The following KIF18B variants were observed in gnomAD, a reference collection of about 807,000 sequenced individuals.
The protein encoded by KIF18B is kinesin family member 18B, also known as kinesin-like protein KIF18B.
KIF18B carries 49 observed loss-of-function variants against 80.9 expected under a neutral mutation model. The observed-to-expected ratio is 0.61, with a 90% CI of 0.48 to 0.77. The LOEUF (loss-of-function observed/expected upper bound fraction) is 0.77, where lower values mean the gene tolerates loss of function less well. KIF18B is among the 30% of genes least tolerant of loss of function. The pLI is 0.00. For missense variants in KIF18B, 994 were observed against 1,127.7 expected (o/e 0.88, Z 1.70); for synonymous variants, 439 against 463.9 (o/e 0.95, Z 0.69).
intron 1 of KIF18B, among the ~76,000 whole-genome samples, chr17:44,941,340 C>CT (rs36121835): frequency 0.092 from 12,447 of 134,646 alleles, 782 homozygotes; most frequent in Middle Eastern, 0.17. Flanking sequence ...TTTTCTTTTT[C>CT]TTTTTTTTTT....
At position 44,936,014 on chromosome 17, in the gene KIF18B, C is replaced by A. The variant is rs752412458; in HGVS notation, c.313+18G>T. ...GCAGGGAGGCCAGGCCACTGCCAGG[C>A]AGGGCTGAGGTTCTCACCTGAGCAG... On this transcript the variant is annotated intron_variant, in intron 2 of 15. Coordinates refer to ENST00000593135, the MANE Select transcript of KIF18B (RefSeq NM_001265577.2). 6.2e-7 allele frequency: 1 copy of A among 1,609,392 alleles called. No individual in the cohort carries two copies. The highest frequency in any genetic ancestry group is 8.5e-7 in the Non-Finnish European group (1 of 1,176,564).
At chr17:44,938,097 C>T (rs1050533144) in intron 1 of KIF18B, among the ~76,000 whole-genome samples, 8 of 152,036 alleles carry the variant, frequency 5.3e-5, no homozygotes, top group Admixed American at 4.6e-4. Context: ...CTCACTACAA[C>T]CTCTGCCTCC....
chr17:44,938,706 A>G (rs1356768805), intron 1 of KIF18B, among the ~76,000 whole-genome samples: 1 of 152,234 alleles, frequency 6.6e-6, no homozygotes, highest in Non-Finnish European at 1.5e-5. Flanking sequence ...TTCTTCCTCC[A>G]CCAATTTGAA....
intron 1 of KIF18B, among the ~76,000 whole-genome samples, chr17:44,942,011 G>C (rs1409068465): frequency 6.6e-6 from 1 of 152,174 alleles, no homozygotes; most frequent in Non-Finnish European, 1.5e-5. Flanking sequence ...CCGCTAGGAT[G>C]CCTGGGTCCT....
chr17:44,928,237 C>T lies in KIF18B; in HGVS notation c.2065G>A (p.Val689Ile), dbSNP rs200544188. ...CTTTTGATGACTGTGGCTGGGCAAA[C>T]GCGAGGGGAATGGCAGGGGGAGGAG... ...RASSPCHSPR[V>I]CPATVIKSRV... Residue 689 changes from valine to isoleucine, a missense_variant, in exon 13 of 16, where the codon GTT (valine) becomes ATT (isoleucine). Physicochemically the swap from Val to Ile is conservative, Grantham distance 29 (BLOSUM62 3). Transcript: ENST00000593135. 238 of 1,613,292 alleles carry T rather than the reference C, an allele frequency of 1.5e-4. 2 individuals are homozygous for T. The African/African-American group carries it at 1.8e-3, about 12-fold the overall frequency.
rs1349387096 is a variant in KIF18B, at chr17:44,927,226, CCT to C, written c.2277-150_2277-149del. ...GGTTTCTTCTACAAAGAGGTGGATTCCTCTCTCTGCCTGGCTGACAGCTGAGT... is the reference window on the plus strand; with the variant it reads ...GGTTTCTTCTACAAAGAGGTGGATTCCTCTCTGCCTGGCTGACAGCTGAGT... On this transcript the variant is annotated intron_variant, in intron 13 of 15. Transcript: ENST00000593135. The surrounding 1 kb of genome is among the most constrained non-coding windows in gnomAD (Gnocchi z 4.1). 6.6e-6 allele frequency: 4 copies of C among 605,492 alleles called. No homozygotes were observed. Among genetic ancestry groups the C allele is most frequent in the Non-Finnish European group, 1.2e-5 (4 of 345,576 alleles). The allele number at this position is 605,492 out of a possible 1,614,324, so 37.5% of individuals were successfully genotyped here. A position where few individuals can be genotyped will look rare whatever the true frequency, so the allele number is the denominator to read the frequency against.
In KIF18B at chr17:44,934,124, G is replaced by A. The variant is rs1375206022; in HGVS notation, c.886-25C>T. ...CCTGGGGGGCAGTAAGCAGGTGTGG[G>A]GTGAGGCGACTGATGGCACTGACCC... On this transcript the variant is annotated intron_variant, in intron 6 of 15. Transcript: ENST00000593135. The surrounding 1 kb of genome is among the most constrained non-coding windows in gnomAD (Gnocchi z 5.4). The A allele has an allele frequency of 6.2e-7, 1 of 1,609,504 alleles. No homozygotes were observed. The highest frequency in any genetic ancestry group is 8.5e-7 in the Non-Finnish European group (1 of 1,177,966).
At chr17:44,926,795 G>A (rs575488235) in intron 14 of KIF18B, among the ~76,000 whole-genome samples, 194 bp downstream of exon 14, 1 of 152,284 alleles carries the variant, frequency 6.6e-6, no homozygotes, top group East Asian at 1.9e-4. Flanking sequence ...CAGCTCTGGG[G>A]TGATCCTGGG....
Position 44,926,417 on chromosome 17 carries a change from G to T in KIF18B, c.2449C>A (p.Pro817Thr). 6.4e-7 allele frequency: 1 copy of T among 1,572,154 alleles called. No homozygotes were observed. The highest frequency in any genetic ancestry group is 1.2e-5 in the South Asian group (1 of 85,438). ...LKRPAGPLVLPELPLSPLCPS... is the reference protein window; with the variant it reads ...LKRPAGPLVLTELPLSPLCPS... ...CCCTGTCCCTAGTGCCAGTCACCTG[G>T]GAGTACAAGGGGCCCAGCTGGCCTC... The change falls in exon 15 of 16, where the codon CCA becomes ACA. Residue 817 changes from proline (P) to threonine (T), a missense_variant. By Grantham distance (38) the Pro-to-Thr change is conservative (BLOSUM62 -1). Transcript: ENST00000593135.
intron 12 of KIF18B, 120 bp downstream of exon 12, chr17:44,928,699 G>A (rs1402042306): frequency 8.7e-6 from 12 of 1,380,040 alleles, no homozygotes; most frequent in Non-Finnish European, 1.1e-5. Context: ...GGATCCCAGG[G>A]GCCCAGCCTC....
At chr17:44,926,371 G>T (rs370048495) in intron 15 of KIF18B, 43 bp downstream of exon 15, 8 of 1,554,514 alleles carry the variant, frequency 5.1e-6, no homozygotes, top group Non-Finnish European at 7.0e-6. Flanking sequence ...TGTCTTCATC[G>T]GCCTCCATGG....
Position 44,934,065 on chromosome 17 carries a change from T to C in KIF18B, c.920A>G (p.Lys307Arg). 1.2e-6 allele frequency: 2 copies of C among 1,612,434 alleles called. No individual in the cohort carries two copies. Among genetic ancestry groups the C allele is most frequent in the Non-Finnish European group, 1.7e-6 (2 of 1,179,338 alleles). ...RKTHVPYRDS[K>R]LTRLLKDSLG... Reference sequence around the variant, plus strand: ...GGAGTCTTTGAGCAGGCGGGTCAGTTTGCTGTCCCGGTAGGGCACATGGGT... The same window carrying C: ...GGAGTCTTTGAGCAGGCGGGTCAGTCTGCTGTCCCGGTAGGGCACATGGGT... Residue 307 changes from lysine to arginine, a missense_variant, in exon 7 of 16, where the codon AAA becomes AGA. Lys to Arg is a conservative substitution (Grantham distance 26). Transcript: ENST00000593135. This position sits in a 1 kb window ranked among gnomAD's most constrained non-coding sequence, Gnocchi z 5.4.
rs2052051898 is a variant in KIF18B at position 44,927,404 on chromosome 17, G to T, written c.2277-326C>A. Among the ~76,000 whole-genome samples the T allele has an allele frequency of 6.6e-6, 1 of 152,200 alleles. No individual in the cohort carries two copies. The highest frequency in any genetic ancestry group is 2.4e-5 in the African/African-American group (1 of 41,454). On this transcript the variant is annotated intron_variant, in intron 13 of 15. Transcript: ENST00000593135. This position sits in a 1 kb window ranked among gnomAD's most constrained non-coding sequence, Gnocchi z 4.1. ...CTATGGAATGGGCGGGTGCGTGGGT[G>T]GGCAGAGCCTGCCAGCCTCTGCCCC... is the stretch of plus-strand genomic sequence containing the variant.
chr17:44,943,867 C>T (rs1567801302), intron 1 of KIF18B, among the ~76,000 whole-genome samples: 1 of 152,130 alleles, frequency 6.6e-6, no homozygotes, highest in Non-Finnish European at 1.5e-5. Context: ...CACAGGTGTG[C>T]CACCATCCCT....
rs763207521 is a variant in KIF18B at position 44,928,031 on chromosome 17, G to A, written c.2271C>T (p.Ile757=). 6.6e-6 allele frequency: 10 copies of A among 1,515,172 alleles called. No individual in the cohort carries two copies. Among genetic ancestry groups the A allele is most frequent in the Non-Finnish European group, 7.9e-6 (9 of 1,132,418 alleles). 93.9% of individuals were successfully genotyped at this position (1,515,172 alleles called of 1,614,324 possible). A position where few individuals can be genotyped will look rare whatever the true frequency, so the allele number is the denominator to read the frequency against. Residue 757 remains isoleucine, a synonymous_variant, in exon 13 of 16, where the codon ATC becomes ATT. Coordinates refer to ENST00000593135, the MANE Select transcript of KIF18B (RefSeq NM_001265577.2). The part of the protein sequence containing the change: ...QELSRLDQPF[I]PRAPVPLFTM... ...AGCGAGACTGGGAGACCCACCTGGG[G>A]ATGAAGGGCTGGTCCAGCCTGCTCA...
chr17:44,926,061 G>C lies in KIF18B; in HGVS notation c.*19C>G. 1 of 1,613,738 alleles carries C rather than the reference G, an allele frequency of 6.2e-7. No individual in the cohort carries two copies. Among genetic ancestry groups the C allele is most frequent in the Middle Eastern group, 1.6e-4 (1 of 6,062 alleles). On this transcript the variant is annotated 3_prime_UTR_variant, in exon 16 of 16. Transcript: ENST00000593135. Reference sequence around the variant, plus strand: ...GGCCGGTAGGTTAGGACACCTTGGTGGTCAGGACATTCTGGCGGTCAGGAC... The same window carrying C: ...GGCCGGTAGGTTAGGACACCTTGGTCGTCAGGACATTCTGGCGGTCAGGAC...
rs1460121763 is a variant in KIF18B, at chr17:44,947,711, A to T, written c.-98T>A. The T allele has an allele frequency of 1.3e-5, 2 of 152,260 alleles. No homozygotes were observed. The highest frequency in any genetic ancestry group is 4.8e-5 in the African/African-American group (2 of 41,432). 9.4% of individuals were successfully genotyped at this position (152,260 alleles called of 1,614,324 possible). On this transcript the variant is annotated 5_prime_UTR_variant, in exon 1 of 16. Coordinates refer to ENST00000593135, the MANE Select transcript of KIF18B (RefSeq NM_001265577.2). ...CACAGACAGCAGTACCCACACCGGG[A>T]GAGAGCGCCCCACACCCTCCCCTAC...
At chr17:44,931,415 G>A (rs2052143007) in intron 11 of KIF18B, among the ~76,000 whole-genome samples, 187 bp downstream of exon 11, 1 of 152,216 alleles carries the variant, frequency 6.6e-6, no homozygotes, top group African/African-American at 2.4e-5. Flanking sequence ...CTATGTAGAG[G>A]AATACATAGA....
At chr17:44,930,174 C>A (rs528250552) in intron 11 of KIF18B, among the ~76,000 whole-genome samples, 1 of 152,150 alleles carries the variant, frequency 6.6e-6, no homozygotes, top group Non-Finnish European at 1.5e-5. Context: ...TATATCTGCA[C>A]GGGCCACACA....
Sources: allele counts gnomAD v4.1 joint callset (sites outside exome capture counted in the v4.1 genomes callset), GRCh38; gene constraint gnomAD v4.1.1; non-coding constraint Gnocchi (gnomAD v3.1); transcripts MANE v1.5; gene names NCBI Gene and HGNC (gene_info 2026-07-23, HGNC 2026-07-21).